Variants in RNF224 observed in about 807,000 individuals in gnomAD.
RNF224 encodes ring finger protein 224.
In RNF224, 1 loss-of-function variant was observed where a neutral mutation model predicts 2.9. That is an observed-to-expected ratio of 0.35 (90% CI 0.12 to 1.66). RNF224 has a LOEUF of 1.66. Ranked by LOEUF, RNF224 falls within the 40% of genes most tolerant of loss-of-function variation. RNF224 has a pLI of 0.35. For missense variants in RNF224, 254 were observed against 221.8 expected (o/e 1.15, Z -0.92); for synonymous variants, 116 against 97.6 (o/e 1.19, Z -1.11).
rs775478295 is a variant in RNF224 at position 137,228,850 on chromosome 9, G to T, written c.235G>T (p.Gly79Ter). 1 of 1,535,678 alleles carries T rather than the reference G, an allele frequency of 6.5e-7. No homozygotes were observed. The highest frequency in any genetic ancestry group is 8.7e-7 in the Non-Finnish European group (1 of 1,146,786). ...CCGTCAGAGCACGCCCACGCCTCGC[G>T]GAGGGGTGGCCATGCTAGACCTGGA... ...QCRQSTPTPR[G>*]GVAMLDLDLA... The change falls in exon 3 of 3, where the codon GGA becomes TGA. Residue 79 changes from glycine to a stop codon, truncating the protein, a stop_gained. Transcript: ENST00000445101. LOFTEE classifies it low-confidence loss of function (END_TRUNC).
In RNF224 at chr9:137,229,066, C is replaced by A; in HGVS notation, c.451C>A (p.Leu151Ile). 1.3e-6 allele frequency: 2 copies of A among 1,528,396 alleles called. No individual in the cohort carries two copies. Among genetic ancestry groups the A allele is most frequent in the Non-Finnish European group, 8.8e-7 (1 of 1,140,808 alleles). The allele number at this position is 1,528,396 out of a possible 1,614,324, so 94.7% of individuals were successfully genotyped here. Reference sequence around the variant, plus strand: ...CTGTGGCAGCCTCTGCTGCCCACCCCTAGGCAGCCCCGAGGTCTGAACTCT... The same window carrying A: ...CTGTGGCAGCCTCTGCTGCCCACCCATAGGCAGCCCCGAGGTCTGAACTCT... ...WGCGSLCCPP[L>I]GSPEV Residue 151 changes from leucine (L) to isoleucine (I), a missense_variant, in exon 3 of 3, where the codon CTA becomes ATA. Leu to Ile is a conservative substitution (Grantham distance 5, BLOSUM62 2). Coordinates refer to ENST00000445101, the MANE Select transcript of RNF224 (RefSeq NM_001190228.2).
At position 137,228,631 on chromosome 9, in the gene RNF224, G is replaced by A. The variant is rs1190393418; in HGVS notation, c.16G>A (p.Ala6Thr). 6.9e-6 allele frequency: 10 copies of A among 1,440,934 alleles called. No individual in the cohort carries two copies. Among genetic ancestry groups the A allele is most frequent in the East Asian group, 2.5e-5 (1 of 39,964 alleles). 89.3% of individuals were successfully genotyped at this position (1,440,934 alleles called of 1,614,324 possible). The part of the protein sequence containing the change: MQDAA[A>T]GGPPGLGGGG... ...GGCTTCCCTCTGGCAGGATGCTGCAGCCGGAGGGCCCCCAGGCCTCGGAGG... is the reference window on the plus strand; with the variant it reads ...GGCTTCCCTCTGGCAGGATGCTGCAACCGGAGGGCCCCCAGGCCTCGGAGG... The change falls in exon 3 of 3, where the codon GCC becomes ACC. Residue 6 changes from alanine to threonine, a missense_variant. Physicochemically the swap from Ala to Thr is moderately conservative, Grantham distance 58. Coordinates refer to ENST00000445101, the MANE Select transcript of RNF224 (RefSeq NM_001190228.2).
rs556027522 is a variant in RNF224, at chr9:137,228,717, C to T, written c.102C>T (p.Ser34=). The part of the protein sequence containing the change: ...CIICCSAYDL[S]GHLPRRLYCG... ...TCTGCTGCTCGGCCTATGACCTCTC[C>T]GGGCACCTGCCCCGCCGCCTCTACT... is the stretch of plus-strand genomic sequence containing the variant. The change falls in exon 3 of 3, where the codon TCC becomes TCT. Residue 34 remains serine (S), a synonymous_variant. Transcript: ENST00000445101. 76 of 1,528,338 alleles carry T rather than the reference C, an allele frequency of 5.0e-5. 1 individual carries two copies. In the East Asian group the frequency reaches 6.9e-4, roughly 14 times the overall value. The allele number at this position is 1,528,338 out of a possible 1,614,324, so 94.7% of individuals were successfully genotyped here. A position where few individuals can be genotyped will look rare whatever the true frequency, so the allele number is the denominator to read the frequency against.
At position 137,229,112 on chromosome 9, in the gene RNF224, G is replaced by A. The variant is rs543606964; in HGVS notation, c.*26G>A. The A allele has an allele frequency of 3.5e-4, 476 of 1,356,326 alleles. 1 individual carries two copies. The highest frequency in any genetic ancestry group is 4.5e-4 in the Non-Finnish European group (448 of 990,802). The allele number at this position is 1,356,326 out of a possible 1,614,324, so 84.0% of individuals were successfully genotyped here. On this transcript the variant is annotated 3_prime_UTR_variant, in exon 3 of 3. Transcript: ENST00000445101. The stretch of plus-strand genomic sequence containing the variant: ...ACTCTGGCCATTCCCACCCCTGCAG[G>A]GGAAATGCCTGCCTTGGAACCCCTG...
chr9:137,228,387 G>A (rs1018474195), intron 2 of RNF224, 46 bp downstream of exon 2: 2 of 1,440,976 alleles, frequency 1.4e-6, no homozygotes, highest in Non-Finnish European at 1.8e-6. Context: ...GGGGCCTGGA[G>A]CTGGGCCAGG....
At position 137,228,318 on chromosome 9, in the gene RNF224, A is replaced by AG. The variant is rs896535518; in HGVS notation, c.-17dup. ...CTCCGGCCACCCCGTGGCTGTGCATAGCTGCCCAGCAGAGCCCATGCAGGT... is the reference window on the plus strand; with the variant it reads ...CTCCGGCCACCCCGTGGCTGTGCATAGGCTGCCCAGCAGAGCCCATGCAGGT... On this transcript the variant is annotated 5_prime_UTR_variant, in exon 2 of 3. Transcript: ENST00000445101. 6 of 1,524,906 alleles carry AG rather than the reference A, an allele frequency of 3.9e-6. No homozygotes were observed. The African/African-American group carries it at 8.3e-5, about 21-fold the overall frequency. 94.5% of individuals were successfully genotyped at this position (1,524,906 alleles called of 1,614,324 possible).
chr9:137,229,116 A>G lies in RNF224; in HGVS notation c.*30A>G. ...TGGCCATTCCCACCCCTGCAGGGGA[A>G]ATGCCTGCCTTGGAACCCCTGACCA... is the stretch of plus-strand genomic sequence containing the variant. On this transcript the variant is annotated 3_prime_UTR_variant, in exon 3 of 3. Transcript: ENST00000445101. The G allele has an allele frequency of 7.5e-7, 1 of 1,325,382 alleles. No individual in the cohort carries two copies. The allele number at this position is 1,325,382 out of a possible 1,614,324, so 82.1% of individuals were successfully genotyped here. A position where few individuals can be genotyped will look rare whatever the true frequency, so the allele number is the denominator to read the frequency against.
chr9:137,228,300 C>T lies in RNF224; in HGVS notation c.-36C>T. 6.5e-7 allele frequency: 1 copy of T among 1,528,144 alleles called. No homozygotes were observed. The highest frequency in any genetic ancestry group is 1.2e-5 in the South Asian group (1 of 83,518). 94.7% of individuals were successfully genotyped at this position (1,528,144 alleles called of 1,614,324 possible). A position where few individuals can be genotyped will look rare whatever the true frequency, so the allele number is the denominator to read the frequency against. ...TGGGTCCCCCACTCCCTTCTCCGGC[C>T]ACCCCGTGGCTGTGCATAGCTGCCC... On this transcript the variant is annotated 5_prime_UTR_variant, in exon 2 of 3. Transcript: ENST00000445101.
At position 137,228,841 on chromosome 9, in the gene RNF224, A is replaced by T; in HGVS notation, c.226A>T (p.Thr76Ser). The T allele has an allele frequency of 6.5e-7, 1 of 1,535,610 alleles. No homozygotes were observed. The highest frequency in any genetic ancestry group is 8.7e-7 in the Non-Finnish European group (1 of 1,146,756). ...PCPQCRQSTP[T>S]PRGGVAMLDL... Reference sequence around the variant, plus strand: ...TCCGCAGTGCCGTCAGAGCACGCCCACGCCTCGCGGAGGGGTGGCCATGCT... The same window carrying T: ...TCCGCAGTGCCGTCAGAGCACGCCCTCGCCTCGCGGAGGGGTGGCCATGCT... Residue 76 changes from threonine (T) to serine (S), a missense_variant, in exon 3 of 3, where the codon ACG becomes TCG. Thr to Ser is a moderately conservative substitution (Grantham distance 58). Transcript: ENST00000445101.
chr9:137,228,237 G>A lies in RNF224; in HGVS notation c.-99G>A. The A allele has an allele frequency of 8.1e-7, 1 of 1,238,962 alleles. No individual in the cohort carries two copies. The highest frequency in any genetic ancestry group is 1.8e-4 in the Middle Eastern group (1 of 5,406). 76.7% of individuals were successfully genotyped at this position (1,238,962 alleles called of 1,614,324 possible). A position where few individuals can be genotyped will look rare whatever the true frequency, so the allele number is the denominator to read the frequency against. On this transcript the variant is annotated 5_prime_UTR_variant, in exon 2 of 3. Coordinates refer to ENST00000445101, the MANE Select transcript of RNF224 (RefSeq NM_001190228.2). The stretch of plus-strand genomic sequence containing the variant: ...GCCTCTCTCCTGACTCCCGTGCAAG[G>A]CCAGTAATGCAACCCAGGAGGGAGC...
chr9:137,228,241 G>C lies in RNF224; in HGVS notation c.-95G>C. 7.7e-7 allele frequency: 1 copy of C among 1,294,714 alleles called. No individual in the cohort carries two copies. The highest frequency in any genetic ancestry group is 2.1e-5 in the Admixed American group (1 of 48,636). 80.2% of individuals were successfully genotyped at this position (1,294,714 alleles called of 1,614,324 possible). A position where few individuals can be genotyped will look rare whatever the true frequency, so the allele number is the denominator to read the frequency against. ...CTCTCCTGACTCCCGTGCAAGGCCA[G>C]TAATGCAACCCAGGAGGGAGCCGCA... On this transcript the variant is annotated 5_prime_UTR_variant, in exon 2 of 3. Transcript: ENST00000445101.
intron 2 of RNF224, 92 bp downstream of exon 2, chr9:137,228,433 GC>G: frequency 7.8e-7 from 1 of 1,282,522 alleles, no homozygotes; most frequent in Non-Finnish European, 1.0e-6. Flanking sequence ...CCCGGCTGGT[GC>G]CCACATGAAC....
At position 137,228,633 on chromosome 9, in the gene RNF224, C is replaced by T. The variant is rs951702598; in HGVS notation, c.18C>T (p.Ala6=). The change falls in exon 3 of 3, where the codon GCC becomes GCT. Residue 6 remains alanine, a synonymous_variant. Transcript: ENST00000445101. Reference sequence around the variant, plus strand: ...CTTCCCTCTGGCAGGATGCTGCAGCCGGAGGGCCCCCAGGCCTCGGAGGAG... The same window carrying T: ...CTTCCCTCTGGCAGGATGCTGCAGCTGGAGGGCCCCCAGGCCTCGGAGGAG... The part of the protein sequence containing the change: MQDAA[A]GGPPGLGGGG... The T allele has an allele frequency of 3.7e-5, 53 of 1,441,050 alleles. No homozygotes were observed. The highest frequency in any genetic ancestry group is 4.8e-5 in the Non-Finnish European group (53 of 1,099,436). The allele number at this position is 1,441,050 out of a possible 1,614,324, so 89.3% of individuals were successfully genotyped here.
chr9:137,229,083 C>A lies in RNF224; in HGVS notation c.468C>A (p.Val156=). The A allele has an allele frequency of 6.6e-7, 1 of 1,512,038 alleles. No individual in the cohort carries two copies. Among genetic ancestry groups the A allele is most frequent in the Non-Finnish European group, 8.9e-7 (1 of 1,127,036 alleles). The allele number at this position is 1,512,038 out of a possible 1,614,324, so 93.7% of individuals were successfully genotyped here. Residue 156 remains valine (V), a synonymous_variant, in exon 3 of 3, where the codon GTC becomes GTA. Transcript: ENST00000445101. ...GCCCACCCCTAGGCAGCCCCGAGGT[C>A]TGAACTCTGGCCATTCCCACCCCTG... is the stretch of plus-strand genomic sequence containing the variant. ...LCCPPLGSPE[V] is the part of the protein sequence containing the mutation.
In RNF224 at chr9:137,229,285, G is replaced by A. The variant is rs1836067241; in HGVS notation, c.*199G>A. 5.1e-6 allele frequency: 3 copies of A among 591,496 alleles called. No individual in the cohort carries two copies. Among genetic ancestry groups the A allele is most frequent in the South Asian group, 2.0e-5 (1 of 49,396 alleles). The allele number at this position is 591,496 out of a possible 1,614,324, so 36.6% of individuals were successfully genotyped here. On this transcript the variant is annotated 3_prime_UTR_variant, in exon 3 of 3. Transcript: ENST00000445101. ...AGGTTGGGGGCTGGGAGGCTCCGCAGGAGGCTGGTGACCTCCCACCTGTCC... is the reference window on the plus strand; with the variant it reads ...AGGTTGGGGGCTGGGAGGCTCCGCAAGAGGCTGGTGACCTCCCACCTGTCC...
rs946431022 is a variant in RNF224, at chr9:137,229,236, G to A, written c.*150G>A. 3.6e-5 allele frequency: 22 copies of A among 609,478 alleles called. No homozygotes were observed. The highest frequency in any genetic ancestry group is 9.8e-5 in the South Asian group (5 of 51,118). 37.8% of individuals were successfully genotyped at this position (609,478 alleles called of 1,614,324 possible). A position where few individuals can be genotyped will look rare whatever the true frequency, so the allele number is the denominator to read the frequency against. On this transcript the variant is annotated 3_prime_UTR_variant, in exon 3 of 3. Transcript: ENST00000445101. ...CCAGCAGGGTGGTGTCATCCCAGCC[G>A]TGAACATCCCAGGCCACAGCCTAAG... is the stretch of plus-strand genomic sequence containing the variant.
rs1836070212 is a variant in RNF224 at position 137,229,358 on chromosome 9, T to C, written c.*272T>C. ...GACTAGCCCGACCGGATGTGCCTGGTGAGGACACTGCTGTCTGAGTGGGCG... is the reference window on the plus strand; with the variant it reads ...GACTAGCCCGACCGGATGTGCCTGGCGAGGACACTGCTGTCTGAGTGGGCG... On this transcript the variant is annotated 3_prime_UTR_variant, in exon 3 of 3. Transcript: ENST00000445101. 3 of 522,226 alleles carry C rather than the reference T, an allele frequency of 5.7e-6. No individual in the cohort carries two copies. 32.3% of individuals were successfully genotyped at this position (522,226 alleles called of 1,614,324 possible).
Position 137,228,289 on chromosome 9 carries a change from C to T in RNF224, c.-47C>T. ...GCAGGGCGCCCTGGGTCCCCCACTC[C>T]CTTCTCCGGCCACCCCGTGGCTGTG... On this transcript the variant is annotated 5_prime_UTR_variant, in exon 2 of 3. Transcript: ENST00000445101. The T allele has an allele frequency of 6.5e-7, 1 of 1,528,868 alleles. No individual in the cohort carries two copies. Among genetic ancestry groups the T allele is most frequent in the Non-Finnish European group, 8.7e-7 (1 of 1,143,482 alleles). 94.7% of individuals were successfully genotyped at this position (1,528,868 alleles called of 1,614,324 possible).
chr9:137,228,244 A>G lies in RNF224; in HGVS notation c.-92A>G. The G allele has an allele frequency of 7.5e-7, 1 of 1,335,294 alleles. No individual in the cohort carries two copies. Among genetic ancestry groups the G allele is most frequent in the Non-Finnish European group, 1.0e-6 (1 of 970,708 alleles). The allele number at this position is 1,335,294 out of a possible 1,614,324, so 82.7% of individuals were successfully genotyped here. ...TCCTGACTCCCGTGCAAGGCCAGTA[A>G]TGCAACCCAGGAGGGAGCCGCAGGG... On this transcript the variant is annotated 5_prime_UTR_variant, in exon 2 of 3. An upstream start codon of the reference 5' UTR is lost. Transcript: ENST00000445101.
Sources: gnomAD v4.1 joint callset for allele counts on GRCh38, gnomAD v4.1.1 for gene constraint, MANE v1.5 for transcripts, NCBI Gene and HGNC (gene_info 2026-07-23, HGNC 2026-07-21) for gene names.